The following CENPE variants were observed in gnomAD, a reference collection of about 807,000 sequenced individuals.
CENPE encodes centromere-associated protein E.
A neutral mutation model predicts 336.1 loss-of-function variants in CENPE; 145 were observed. The observed-to-expected ratio is 0.43, with a 90% CI of 0.38 to 0.50. CENPE has a LOEUF of 0.50. CENPE is among the 20% of genes least tolerant of loss of function. The pLI is 0.00. For synonymous variants in CENPE, 1,013 were observed against 984.8 expected (o/e 1.03, Z -0.54); for missense variants, 2,719 against 3,023.3 (o/e 0.90, Z 2.36).
At chr4:103,107,194 G>C (rs1748973365) in intron 48 of CENPE, among the ~76,000 whole-genome samples, 1 of 152,184 alleles carries the variant, frequency 6.6e-6, no homozygotes, top group Non-Finnish European at 1.5e-5. Context: ...AACATAGTGA[G>C]AGAGTTCCAT....
intron 8 of CENPE, among the ~76,000 whole-genome samples, chr4:103,187,649 C>T (rs1756906777): frequency 1.3e-5 from 2 of 152,150 alleles, no homozygotes; most frequent in South Asian, 4.1e-4. Context: ...CTGAAGGAAG[C>T]ACTAAACATG....
chr4:103,137,918 TCA>T (rs1752202892), intron 39 of CENPE, among the ~76,000 whole-genome samples: 1 of 152,174 alleles, frequency 6.6e-6, no homozygotes, highest in Admixed American at 6.5e-5. Flanking sequence ...TTAATAAAAC[TCA>T]GTCTTTTTTC....
chr4:103,186,882 A>G (rs1341608749), intron 8 of CENPE, among the ~76,000 whole-genome samples: 5 of 152,210 alleles, frequency 3.3e-5, no homozygotes, highest in Admixed American at 3.3e-4. Context: ...AGTAGTCTAG[A>G]CAAAAAGAAT....
chr4:103,142,069 C>T (rs1752609730), intron 34 of CENPE, among the ~76,000 whole-genome samples, 161 bp from the exon 35 acceptor site: 1 of 152,214 alleles, frequency 6.6e-6, no homozygotes. Flanking sequence ...CTCCTCTCTT[C>T]ACACTCTACT....
chr4:103,182,609 C>A (rs1414626652), intron 11 of CENPE, among the ~76,000 whole-genome samples, 153 bp downstream of exon 11: 1 of 151,850 alleles, frequency 6.6e-6, no homozygotes, highest in East Asian at 1.9e-4. Flanking sequence ...CGAAGTCTGG[C>A]AAAATTAAAT....
intron 24 of CENPE, among the ~76,000 whole-genome samples, chr4:103,156,539 G>A (rs960387962): frequency 2.0e-5 from 3 of 152,078 alleles, no homozygotes; most frequent in African/African-American, 4.8e-5. Flanking sequence ...ACAAAAGAAC[G>A]AAGTTGTACC....
In CENPE at chr4:103,132,793, C is replaced by T; in HGVS notation, c.6824G>A (p.Trp2275Ter). The T allele has an allele frequency of 6.3e-7, 1 of 1,577,536 alleles. No homozygotes were observed. Among genetic ancestry groups the T allele is most frequent in the African/African-American group, 1.4e-5 (1 of 73,878 alleles). The change falls in exon 42 of 49, where the codon TGG becomes TAG. Residue 2275 changes from tryptophan to a stop codon, truncating the protein, a stop_gained. Transcript: ENST00000265148. LOFTEE classifies it high-confidence loss of function. ...TTCTATATCAAAACGAGTATTTAAC[C>T]ACTCTTCCAAAAACTGTGTCATTTC... ...RKEMTQFLEE[W>*]LNTRFDIEKL... is the part of the protein sequence containing the mutation.
At chr4:103,147,746 T>C (rs1287124684) in intron 28 of CENPE, 100 bp from the exon 29 acceptor site, 3 of 1,005,134 alleles carry the variant, frequency 3.0e-6, no homozygotes, top group Non-Finnish European at 4.3e-6. Flanking sequence ...CAGGTGGGAG[T>C]GCAGTGGCGC....
chr4:103,133,700 T>C lies in CENPE; in HGVS notation c.6715A>G (p.Ile2239Val). 1.3e-6 allele frequency: 2 copies of C among 1,577,276 alleles called. 1 individual carries two copies. The highest frequency in any genetic ancestry group is 2.3e-5 in the South Asian group (2 of 86,978). ...LKLNQNMDLH[I>V]EEILKDFSES... ...CCATTTAAAATAAATTATACCTCAA[T>C]ATGTAGATCCATATTCTGGTTCAAT... is the stretch of plus-strand genomic sequence containing the variant. The change falls in exon 41 of 49, where the codon ATT becomes GTT. Residue 2239 changes from isoleucine to valine, a missense_variant. Coordinates refer to ENST00000265148, the MANE Select transcript of CENPE (RefSeq NM_001813.3).
chr4:103,113,389 A>G (rs1405320737), intron 46 of CENPE, among the ~76,000 whole-genome samples: 27 of 142,940 alleles, frequency 1.9e-4, no homozygotes, highest in Non-Finnish European at 3.9e-4. Context: ...TAAGTATAAT[A>G]CTTCTAATTA....
intron 22 of CENPE, 38 bp downstream of exon 22, chr4:103,158,972 A>T: frequency 6.5e-7 from 1 of 1,532,824 alleles, no homozygotes; most frequent in Non-Finnish European, 8.7e-7. Flanking sequence ...ACCCCAGAAG[A>T]CTAAGGAGCA....
chr4:103,121,657 T>G (rs947636772), intron 43 of CENPE, among the ~76,000 whole-genome samples: 5 of 150,810 alleles, frequency 3.3e-5, no homozygotes, highest in Non-Finnish European at 5.9e-5. Flanking sequence ...CAAGTAATCC[T>G]CCCAGCTAAG....
In CENPE at chr4:103,164,111, A is replaced by G. The variant is rs559613057; in HGVS notation, c.1648-558T>C. Among the ~76,000 whole-genome samples, 93 of 152,250 alleles carry G rather than the reference A, an allele frequency of 6.1e-4. 1 individual carries two copies. The highest frequency in any genetic ancestry group is 2.2e-3 in the African/African-American group (90 of 41,568). On this transcript the variant is annotated intron_variant, in intron 16 of 48. Coordinates refer to ENST00000265148, the MANE Select transcript of CENPE (RefSeq NM_001813.3). ...TACTTTTCACCAGTGCTACACAGGTATGGAATGATCAACTATGACCTTGAT... is the reference window on the plus strand; with the variant it reads ...TACTTTTCACCAGTGCTACACAGGTGTGGAATGATCAACTATGACCTTGAT...
chr4:103,117,620 T>TC (rs1173177876), intron 44 of CENPE, among the ~76,000 whole-genome samples: 34 of 146,838 alleles, frequency 2.3e-4, no homozygotes, highest in African/African-American at 8.8e-4. Flanking sequence ...TCATTTTCTT[T>TC]CCTTTTTTTT....
chr4:103,160,775 C>T lies in CENPE; in HGVS notation c.2136G>A (p.Leu712=). Residue 712 remains leucine (L), a synonymous_variant, in exon 21 of 49, where the codon TTG becomes TTA. Coordinates refer to ENST00000265148, the MANE Select transcript of CENPE (RefSeq NM_001813.3). The stretch of plus-strand genomic sequence containing the variant: ...TTCCTTCCAATTCCAAATTACAGAG[C>T]AAATCTAGAAAGTTTTGGTAAATTG... The part of the protein sequence containing the change: ...SLIDGKVPKD[L]LCNLELEGKI... 1 of 1,584,606 alleles carries T rather than the reference C, an allele frequency of 6.3e-7. No individual in the cohort carries two copies. The highest frequency in any genetic ancestry group is 8.6e-7 in the Non-Finnish European group (1 of 1,167,586).
At chr4:103,170,890 C>T (rs544140657) in intron 16 of CENPE, among the ~76,000 whole-genome samples, 1 of 152,210 alleles carries the variant, frequency 6.6e-6, no homozygotes, top group East Asian at 1.9e-4. Context: ...AGAAGCTATA[C>T]TTATATCAGC....
Position 103,147,489 on chromosome 4 carries a change from T to C in CENPE, c.4001A>G (p.Asn1334Ser), listed in dbSNP as rs376206224. The C allele has an allele frequency of 6.3e-5, 102 of 1,614,018 alleles. No homozygotes were observed. The highest frequency in any genetic ancestry group is 8.3e-5 in the Non-Finnish European group (98 of 1,180,024). ...TTCCTGACTTTCTTGAAATTTTTCA[T>C]TCAACCTGAGCCTTTCCATTTCTAT... The part of the protein sequence containing the change: ...ARIEMERLRL[N>S]EKFQESQEEI... Residue 1334 changes from asparagine (N) to serine (S), a missense_variant, in exon 29 of 49, where the codon AAT becomes AGT. This residue lies in a region of CENPE where 2,437 missense variants were observed against 2,513.3 expected (regional missense o/e 0.97). Coordinates refer to ENST00000265148, the MANE Select transcript of CENPE (RefSeq NM_001813.3).
At position 103,176,967 on chromosome 4, in the gene CENPE, T is replaced by G. The variant is rs771239165; in HGVS notation, c.1322A>C (p.Asn441Thr). Reference protein sequence around the residue: ...MKNSNYADQFNIPTNITTKTH... With the variant: ...MKNSNYADQFTIPTNITTKTH... ...TTTTGTTGTTATATTTGTTGGTATATTAAATTGATCTGCATAGTTTGAGTT... is the reference window on the plus strand; with the variant it reads ...TTTTGTTGTTATATTTGTTGGTATAGTAAATTGATCTGCATAGTTTGAGTT... The change falls in exon 14 of 49, where the codon AAT becomes ACT. Residue 441 changes from asparagine (N) to threonine (T), a missense_variant. This residue lies in a region of CENPE where 2,437 missense variants were observed against 2,513.3 expected (regional missense o/e 0.97). Coordinates refer to ENST00000265148, the MANE Select transcript of CENPE (RefSeq NM_001813.3). The G allele has an allele frequency of 6.5e-5, 105 of 1,604,720 alleles. No individual in the cohort carries two copies. Among genetic ancestry groups the G allele is most frequent in the Non-Finnish European group, 8.4e-5 (99 of 1,175,118 alleles).
At chr4:103,164,554 C>T (rs186654660) in intron 16 of CENPE, among the ~76,000 whole-genome samples, 99 of 152,130 alleles carry the variant, frequency 6.5e-4, no homozygotes, top group Non-Finnish European at 1.2e-3. Context: ...CTAGTAGGCA[C>T]ATTAAACCTA....
Sources: gnomAD v4.1 joint callset for allele counts (sites outside exome capture counted in the v4.1 genomes callset) on GRCh38, gnomAD v4.1.1 for gene constraint, gnomAD v4.1.1 regional missense constraint, MANE v1.5 for transcripts, NCBI Gene and HGNC (gene_info 2026-07-23, HGNC 2026-07-21) for gene names.